VAMP2: variants seen among roughly 807,000 people sequenced by gnomAD.
VAMP2 encodes vesicle associated membrane protein 2, also known as vesicle-associated membrane protein 2.
For missense variants in VAMP2, 95 were observed against 151.3 expected (o/e 0.63, Z 1.95); for synonymous variants, 67 against 57.3 (o/e 1.17, Z -0.76).
chr17:8,162,383 A>G lies in VAMP2; in HGVS notation c.3-14T>C. On this transcript the variant is annotated splice_polypyrimidine_tract_variant and intron_variant, in intron 1 of 4. Coordinates refer to ENST00000316509, the MANE Select transcript of VAMP2 (RefSeq NM_014232.3). ...GCGGTAGCAGACCTGAGGAGCAGGG[A>G]CGGATTAAGACCCAGGGCCTGCAGC... 1 of 1,610,944 alleles carries G rather than the reference A, an allele frequency of 6.2e-7. No individual in the cohort carries two copies. The highest frequency in any genetic ancestry group is 1.7e-4 in the Middle Eastern group (1 of 5,868).
At position 8,160,314 on chromosome 17, in the gene VAMP2, C is replaced by T. The variant is rs1983253707; in HGVS notation, c.*541G>A. 6.6e-6 allele frequency: 1 copy of T among 150,956 alleles called. No homozygotes were observed. Among genetic ancestry groups the T allele is most frequent in the African/African-American group, 2.4e-5 (1 of 40,842 alleles). The allele number at this position is 150,956 out of a possible 1,614,324, so 9.4% of individuals were successfully genotyped here. A position where few individuals can be genotyped will look rare whatever the true frequency, so the allele number is the denominator to read the frequency against. Reference sequence around the variant, plus strand: ...TTGGGATTCTTAGGACCAAGTGGGGCCAGTCTCAGAGCCTCCCAATGGATA... The same window carrying T: ...TTGGGATTCTTAGGACCAAGTGGGGTCAGTCTCAGAGCCTCCCAATGGATA... On this transcript the variant is annotated 3_prime_UTR_variant, in exon 5 of 5. Transcript: ENST00000316509.
Position 8,161,536 on chromosome 17 carries a change from A to G in VAMP2, c.283-12T>C. The G allele has an allele frequency of 6.2e-7, 1 of 1,614,136 alleles. No homozygotes were observed. Among genetic ancestry groups the G allele is most frequent in the Non-Finnish European group, 8.5e-7 (1 of 1,179,996 alleles). ...AAGATGATCATCATCTGGGGGTGAG[A>G]GGCGAGGATCAGTAAGACAAACTAT... On this transcript the variant is annotated splice_polypyrimidine_tract_variant and intron_variant, in intron 3 of 4. Coordinates refer to ENST00000316509, the MANE Select transcript of VAMP2 (RefSeq NM_014232.3).
Position 8,161,543 on chromosome 17 carries a change from G to A in VAMP2, c.283-19C>T, listed in dbSNP as rs1983313438. 1 of 1,614,110 alleles carries A rather than the reference G, an allele frequency of 6.2e-7. No individual in the cohort carries two copies. Among genetic ancestry groups the A allele is most frequent in the Non-Finnish European group, 8.5e-7 (1 of 1,179,990 alleles). ...TCATCATCTGGGGGTGAGAGGCGAGGATCAGTAAGACAAACTATGATACCC... is the reference window on the plus strand; with the variant it reads ...TCATCATCTGGGGGTGAGAGGCGAGAATCAGTAAGACAAACTATGATACCC... On this transcript the variant is annotated intron_variant, in intron 3 of 4. Transcript: ENST00000316509.
In VAMP2 at chr17:8,160,808, G is replaced by C. The variant is rs1983288340; in HGVS notation, c.*47C>G. ...GCTGAGAGGTGGAGGAACGGCTGAG[G>C]GTTGGGGGAGAGGCCCTTCTCTAGG... On this transcript the variant is annotated 3_prime_UTR_variant, in exon 5 of 5. Coordinates refer to ENST00000316509, the MANE Select transcript of VAMP2 (RefSeq NM_014232.3). 1 of 1,600,996 alleles carries C rather than the reference G, an allele frequency of 6.2e-7. No individual in the cohort carries two copies.
chr17:8,160,763 A>AGGG lies in VAMP2; in HGVS notation c.*91_*92insCCC, dbSNP rs144670087. 1.6e-4 allele frequency: 227 copies of AGGG among 1,383,386 alleles called. 1 individual carries two copies. The highest frequency in any genetic ancestry group is 2.1e-4 in the Non-Finnish European group (212 of 1,000,880). The allele number at this position is 1,383,386 out of a possible 1,614,324, so 85.7% of individuals were successfully genotyped here. A position where few individuals can be genotyped will look rare whatever the true frequency, so the allele number is the denominator to read the frequency against. On this transcript the variant is annotated 3_prime_UTR_variant, in exon 5 of 5. Transcript: ENST00000316509. ...ACACACACACACACGGATCCAGGGG[A>AGGG]GTGGGGGCTGAAAGATATGGCTGAG...
In VAMP2 at chr17:8,159,705, G is replaced by A. The variant is rs1983233535; in HGVS notation, c.*1150C>T. The A allele has an allele frequency of 6.6e-6, 1 of 152,610 alleles. No individual in the cohort carries two copies. The highest frequency in any genetic ancestry group is 2.4e-5 in the African/African-American group (1 of 41,430). 9.5% of individuals were successfully genotyped at this position (152,610 alleles called of 1,614,324 possible). A position where few individuals can be genotyped will look rare whatever the true frequency, so the allele number is the denominator to read the frequency against. ...GCCAGAGATTTCAGGCAGGAATTGGGGGGATTCTCTGCCCTGCCCCACTCC... is the reference window on the plus strand; with the variant it reads ...GCCAGAGATTTCAGGCAGGAATTGGAGGGATTCTCTGCCCTGCCCCACTCC... On this transcript the variant is annotated 3_prime_UTR_variant, in exon 5 of 5. Transcript: ENST00000316509.
intron 4 of VAMP2, chr17:8,161,266 CA>C: frequency 1.3e-6 from 1 of 740,978 alleles, no homozygotes; most frequent in East Asian, 2.7e-5. Flanking sequence ...TTCCTATTTC[CA>C]AATGTTAACA....
At position 8,160,656 on chromosome 17, in the gene VAMP2, A is replaced by C; in HGVS notation, c.*199T>G. 2.8e-6 allele frequency: 1 copy of C among 357,360 alleles called. No individual in the cohort carries two copies. The allele number at this position is 357,360 out of a possible 1,614,324, so 22.1% of individuals were successfully genotyped here. Reference sequence around the variant, plus strand: ...ACAACCGGAAAAATCATCTAGTAATAAAACTACAAACAGACCAAATATATA... The same window carrying C: ...ACAACCGGAAAAATCATCTAGTAATCAAACTACAAACAGACCAAATATATA... On this transcript the variant is annotated 3_prime_UTR_variant, in exon 5 of 5. Transcript: ENST00000316509.
intron 1 of VAMP2, 97 bp downstream of exon 1, chr17:8,162,781 G>A (rs1303249769): frequency 8.1e-7 from 1 of 1,228,956 alleles, no homozygotes; most frequent in Non-Finnish European, 1.0e-6. Context: ...GGGGCGCGGG[G>A]AACGCAGGAG....
intron 3 of VAMP2, 26 bp downstream of exon 3, chr17:8,161,582 G>A: frequency 1.2e-6 from 2 of 1,613,916 alleles, no homozygotes; most frequent in Non-Finnish European, 1.7e-6. Flanking sequence ...TCACCCACCT[G>A]TCCTCCTTCC....
In VAMP2 at chr17:8,162,323, C is replaced by T; in HGVS notation, c.49G>A (p.Gly17Ser). ...TTTGGAGGGGGTGCAGGGGGACCAC[C>T]CTCCCCAGCCGGGGCAGCAGGGGGG... ...TAPPAAPAGE[G>S]GPPAPPPNLT... The change falls in exon 2 of 5, where the codon GGT becomes AGT. Residue 17 changes from glycine to serine, a missense_variant. Gly to Ser is a moderately conservative substitution (Grantham distance 56). Transcript: ENST00000316509. 1 of 1,604,680 alleles carries T rather than the reference C, an allele frequency of 6.2e-7. No individual in the cohort carries two copies. Among genetic ancestry groups the T allele is most frequent in the East Asian group, 2.3e-5 (1 of 44,190 alleles).
intron 1 of VAMP2, chr17:8,162,666 G>A: frequency 1.4e-6 from 2 of 1,386,522 alleles, no homozygotes; most frequent in East Asian, 3.0e-5. Context: ...AGGGGCAGGA[G>A]GACACTGGGT....
At chr17:8,161,935 G>A (rs1303088523) in intron 2 of VAMP2, among the ~76,000 whole-genome samples, 169 bp from the exon 3 acceptor site, 1 of 152,114 alleles carries the variant, frequency 6.6e-6, no homozygotes, top group Non-Finnish European at 1.5e-5. Context: ...GACATGCAAG[G>A]AGCACACATC....
chr17:8,161,069 G>T, intron 4 of VAMP2, 198 bp from the exon 5 acceptor site: 1 of 558,602 alleles, frequency 1.8e-6, no homozygotes, highest in Non-Finnish European at 3.2e-6. Context: ...TCCGCTCCAT[G>T]GTATGGCCTT....
At chr17:8,162,183 G>A in intron 2 of VAMP2, 66 bp downstream of exon 2, 1 of 1,486,872 alleles carries the variant, frequency 6.7e-7, no homozygotes, top group Non-Finnish European at 8.9e-7. Context: ...AACCAACATG[G>A]GCCCCTACAC....
chr17:8,162,512 G>A, intron 1 of VAMP2, 143 bp from the exon 2 acceptor site: 1 of 1,528,456 alleles, frequency 6.5e-7, no homozygotes, highest in Non-Finnish European at 8.8e-7. Flanking sequence ...CCTGGTCTCG[G>A]TCCAGCCCTG....
At chr17:8,162,632 G>T in intron 1 of VAMP2, 1 of 1,396,436 alleles carries the variant, frequency 7.2e-7, no homozygotes. Context: ...GAAAAGACAG[G>T]CGGCCGCGGT....
chr17:8,162,622 G>A, intron 1 of VAMP2: 9 of 1,400,098 alleles, frequency 6.4e-6, no homozygotes, highest in Non-Finnish European at 8.3e-6. Flanking sequence ...GGGTCGACCC[G>A]AAAAGACAGG....
In VAMP2 at chr17:8,160,379, T is replaced by TG. The variant is rs1567543297; in HGVS notation, c.*475dup. ...CTAAGGAAGCCTGGACAGGTGCTGTTGTTTTTTTTTTTTTTTTTTTTTTTT... is the reference window on the plus strand; with the variant it reads ...CTAAGGAAGCCTGGACAGGTGCTGTTGGTTTTTTTTTTTTTTTTTTTTTTTT... On this transcript the variant is annotated 3_prime_UTR_variant, in exon 5 of 5. Coordinates refer to ENST00000316509, the MANE Select transcript of VAMP2 (RefSeq NM_014232.3). 2 of 131,230 alleles carry TG rather than the reference T, an allele frequency of 1.5e-5. No homozygotes were observed. Among genetic ancestry groups the TG allele is most frequent in the East Asian group, 2.5e-4 (1 of 4,046 alleles). 8.1% of individuals were successfully genotyped at this position (131,230 alleles called of 1,614,324 possible).
Sources: gnomAD v4.1 joint callset for allele counts (sites outside exome capture counted in the v4.1 genomes callset) on GRCh38, gnomAD v4.1.1 for gene constraint, MANE v1.5 for transcripts, NCBI Gene and HGNC (gene_info 2026-07-23, HGNC 2026-07-21) for gene names.